Variants in ARID4A observed in about 807,000 individuals in gnomAD.
ARID4A encodes AT-rich interactive domain-containing protein 4A.
In ARID4A, 39 loss-of-function variants were observed where a neutral mutation model predicts 148.6. The ratio of observed to expected loss-of-function variants is 0.26; its 90% confidence interval spans 0.20 to 0.34. ARID4A has a LOEUF of 0.34. Among genes scored for constraint, ARID4A ranks in the 10% least tolerant of loss-of-function variants. The pLI is 1.00. For missense variants in ARID4A, 1,265 were observed against 1,449.1 expected, an observed-to-expected ratio of 0.87 and a Z score of 2.06; for synonymous variants, 475 against 481.2, an observed-to-expected ratio of 0.99 and a Z score of 0.17.
chr14:58,367,852 T>C (rs1009119068), intron 23 of ARID4A, among the ~76,000 whole-genome samples: 1 of 152,196 alleles, frequency 6.6e-6, no homozygotes, highest in African/African-American at 2.4e-5. Flanking sequence ...ACAGATGGAC[T>C]ACTGTAACTG....
intron 11 of ARID4A, among the ~76,000 whole-genome samples, chr14:58,339,558 A>G (rs2034003696): frequency 6.6e-6 from 1 of 152,142 alleles, no homozygotes; most frequent in Non-Finnish European, 1.5e-5. Context: ...TTTGGACACT[A>G]TCTGTCCACC....
rs1366315654 is a variant in ARID4A, at chr14:58,323,496, A to G, written c.461A>G (p.Glu154Gly). The change falls in exon 8 of 24, where the codon GAA (glutamate) becomes GGA (glycine). Residue 154 changes from glutamate (E) to glycine (G), a missense_variant. Glu to Gly is a moderately conservative substitution (Grantham distance 98, BLOSUM62 -2). This residue lies in a region of ARID4A where 249 missense variants were observed against 277.2 expected (regional missense o/e 0.90). Transcript: ENST00000355431. ...RRSSLPVTED[E>G]KEEESSEEED... ...ATTCTAACTTTTAGTACTGAAGATG[A>G]AAAGGAAGAAGAAAGCAGTGAAGAG... 1 of 1,611,606 alleles carries G rather than the reference A, an allele frequency of 6.2e-7. No homozygotes were observed.
Position 58,360,917 on chromosome 14 carries a change from A to G in ARID4A, c.1955A>G (p.Glu652Gly). Residue 652 changes from glutamate to glycine, a missense_variant, in exon 19 of 24, where the codon GAA (glutamate) becomes GGA (glycine). Physicochemically the swap from Glu to Gly is moderately conservative, Grantham distance 98. Transcript: ENST00000355431. ...GTTGCCCAGAATAAAGAAGATAGTG[A>G]AAAGGACGAAAAGAGAGATGAGGAG... Reference protein sequence around the residue: ...KKKAKNKEDSEKDEKRDEERQ... With the variant: ...KKKAKNKEDSGKDEKRDEERQ... 1 of 1,614,112 alleles carries G rather than the reference A, an allele frequency of 6.2e-7. No homozygotes were observed.
Position 58,361,044 on chromosome 14 carries a change from T to G in ARID4A, c.2080+2T>G. The G allele has an allele frequency of 6.2e-7, 1 of 1,613,182 alleles. No individual in the cohort carries two copies. Among genetic ancestry groups the G allele is most frequent in the Non-Finnish European group, 8.5e-7 (1 of 1,179,650 alleles). On this transcript the variant is annotated splice_donor_variant, in intron 19 of 23. Transcript: ENST00000355431. LOFTEE classifies it high-confidence loss of function. ...CAGCAAACAGTGAAGGAAAATCAGGTACCAGAAGTGCTCGCAGCAATATAC... is the reference window on the plus strand; with the variant it reads ...CAGCAAACAGTGAAGGAAAATCAGGGACCAGAAGTGCTCGCAGCAATATAC...
intron 19 of ARID4A, among the ~76,000 whole-genome samples, chr14:58,362,813 G>A (rs1457217704): frequency 3.3e-5 from 5 of 152,096 alleles, no homozygotes; most frequent in Admixed American, 6.5e-5. Context: ...CCGCCTCAGC[G>A]TCCTGAAGTG....
At chr14:58,319,152 T>G (rs1157329249) in intron 7 of ARID4A, among the ~76,000 whole-genome samples, 1 of 152,004 alleles carries the variant, frequency 6.6e-6, no homozygotes, top group Non-Finnish European at 1.5e-5. Context: ...CTCCGCCTCC[T>G]GGGTTCAAGC....
At chr14:58,353,971 T>G (rs2034754867) in intron 17 of ARID4A, 116 bp downstream of exon 17, 10 of 939,120 alleles carry the variant, frequency 1.1e-5, no homozygotes, top group Non-Finnish European at 1.6e-5. Flanking sequence ...AAGCACACCT[T>G]GGTTCTGAAT....
chr14:58,369,845 C>T (rs1353631980), intron 23 of ARID4A, among the ~76,000 whole-genome samples: 2 of 152,024 alleles, frequency 1.3e-5, no homozygotes, highest in African/African-American at 4.8e-5. Flanking sequence ...TCTAGGATGA[C>T]CACTGCATAG....
rs1555361738 is a variant in ARID4A at position 58,337,246 on chromosome 14, T to TATATATATATA, written c.906+7077_906+7078insATATATATATA. On this transcript the variant is annotated intron_variant, in intron 11 of 23. Coordinates refer to ENST00000355431, the MANE Select transcript of ARID4A (RefSeq NM_002892.4). ...AAATCTCCTAGAACCTTCTCTTTAT[T>TATATATATATA]TATATATATATATATATATATAATT... 2.3e-4 allele frequency among the ~76,000 whole-genome samples: 19 copies of TATATATATATA among 83,812 alleles called. 3 individuals carry two copies. The highest frequency in any genetic ancestry group is 5.4e-4 in the African/African-American group (13 of 24,114). The allele number at this position is 83,812 out of a possible 152,430, so 55.0% of individuals were successfully genotyped here. A position where few individuals can be genotyped will look rare whatever the true frequency, so the allele number is the denominator to read the frequency against.
intron 11 of ARID4A, among the ~76,000 whole-genome samples, chr14:58,336,918 G>C (rs2033846120): frequency 1.3e-5 from 2 of 150,024 alleles, no homozygotes; most frequent in African/African-American, 2.5e-5. Flanking sequence ...TTTTGAGACA[G>C]TCTCACTCCG....
At chr14:58,303,677 G>A (rs1232626868) in intron 3 of ARID4A, 1 of 328,336 alleles carries the variant, frequency 3.0e-6, no homozygotes, top group African/African-American at 2.1e-5. Context: ...GGTCCCTCCA[G>A]ACCAGCAGCA....
Position 58,351,224 on chromosome 14 carries a change from T to A in ARID4A, c.1556T>A (p.Leu519Gln). The A allele has an allele frequency of 3.1e-6, 5 of 1,612,880 alleles. No homozygotes were observed. The highest frequency in any genetic ancestry group is 4.2e-6 in the Non-Finnish European group (5 of 1,179,792). The part of the protein sequence containing the change: ...TAEKKENELL[L>Q]GRKNTPKQKE... ...GAGAAAAAAGAAAATGAGCTACTAC[T>A]GGGGAGAAAAAATACACCAAAGCAA... The change falls in exon 16 of 24, where the codon CTG becomes CAG. Residue 519 changes from leucine (L) to glutamine (Q), a missense_variant. Transcript: ENST00000355431.
At chr14:58,362,885 C>G (rs2035195539) in intron 19 of ARID4A, among the ~76,000 whole-genome samples, 1 of 152,094 alleles carries the variant, frequency 6.6e-6, no homozygotes, top group Non-Finnish European at 1.5e-5. Context: ...AAATGGTTGT[C>G]TTATATAAAA....
At chr14:58,324,054 G>T (rs757463652) in intron 8 of ARID4A, among the ~76,000 whole-genome samples, 9 of 151,676 alleles carry the variant, frequency 5.9e-5, no homozygotes, top group Non-Finnish European at 1.2e-4. Context: ...ACAGGCGCCT[G>T]CCACCACGCC....
At chr14:58,319,187 G>A (rs1329712773) in intron 7 of ARID4A, among the ~76,000 whole-genome samples, 2 of 152,052 alleles carry the variant, frequency 1.3e-5, no homozygotes, top group Non-Finnish European at 2.9e-5. Context: ...AGCCTCCTGA[G>A]AAGCTGGGAC....
intron 15 of ARID4A, among the ~76,000 whole-genome samples, chr14:58,350,650 T>G (rs1022616061): frequency 1.3e-5 from 2 of 152,218 alleles, no homozygotes; most frequent in African/African-American, 4.8e-5. Flanking sequence ...ACAGAGCCTT[T>G]AAAGAAGCAA....
At chr14:58,299,196 GCCCCCCGCCCCCT>G (rs1163211783) in intron 1 of ARID4A, 2 of 150,288 alleles carry the variant, frequency 1.3e-5, no homozygotes, top group Admixed American at 6.6e-5. Context: ...CCTCCCCTCC[GCCCCCCGCCCCCT>G]CCCCCACGCG....
chr14:58,362,904 T>A (rs1226228599), intron 19 of ARID4A, among the ~76,000 whole-genome samples: 1 of 152,188 alleles, frequency 6.6e-6, no homozygotes, highest in Non-Finnish European at 1.5e-5. Flanking sequence ...AAATTTCTCT[T>A]CTTTCAAGAA....
chr14:58,312,158 A>T (rs1039219489), intron 5 of ARID4A, among the ~76,000 whole-genome samples: 1 of 152,164 alleles, frequency 6.6e-6, no homozygotes, highest in African/African-American at 2.4e-5. Flanking sequence ...TAGCCATTCC[A>T]CAATGTATAC....
Sources: allele counts gnomAD v4.1 joint callset (sites outside exome capture counted in the v4.1 genomes callset), GRCh38; gene constraint gnomAD v4.1.1; regional missense constraint gnomAD v4.1.1; transcripts MANE v1.5; gene names NCBI Gene and HGNC (gene_info 2026-07-23, HGNC 2026-07-21).